The following PARN variants were observed in gnomAD, a reference collection of about 807,000 sequenced individuals.
The protein encoded by PARN is poly(A)-specific ribonuclease.
Under a neutral mutation model 102.8 loss-of-function variants are expected in PARN, and 71 were observed. That is an observed-to-expected ratio of 0.69 (90% CI 0.57 to 0.84). PARN has a LOEUF of 0.84. Among genes scored for constraint, PARN ranks in the 40% least tolerant of loss-of-function variants. The probability of loss-of-function intolerance (pLI) is 0.00; values close to 1 mark genes in which losing one functional copy is unlikely to be tolerated. For synonymous variants in PARN, 261 were observed against 252.9 expected, an observed-to-expected ratio of 1.03 and a Z score of -0.30; for missense variants, 782 against 760.9, an observed-to-expected ratio of 1.03 and a Z score of -0.33.
At chr16:14,509,922 A>C (rs1847330701) in intron 21 of PARN, among the ~76,000 whole-genome samples, 3 of 152,250 alleles carry the variant, frequency 2.0e-5, no homozygotes, top group Non-Finnish European at 2.9e-5. Context: ...TTGGAAAACA[A>C]AAATGTGAGG....
intron 21 of PARN, among the ~76,000 whole-genome samples, chr16:14,536,985 ACAAT>A (rs1057320454): frequency 6.6e-6 from 1 of 152,214 alleles, no homozygotes; most frequent in African/African-American, 2.4e-5. Flanking sequence ...AGCAAAAGAA[ACAAT>A]CAACAGAATG....
intron 1 of PARN, among the ~76,000 whole-genome samples, 155 bp downstream of exon 1, chr16:14,629,952 A>G (rs766715847): frequency 6.6e-6 from 1 of 152,206 alleles, no homozygotes; most frequent in Non-Finnish European, 1.5e-5. Context: ...CGCAGCCGGA[A>G]AAGACCCCAA....
At chr16:14,611,021 T>C (rs1336666015) in intron 6 of PARN, among the ~76,000 whole-genome samples, 1 of 152,248 alleles carries the variant, frequency 6.6e-6, no homozygotes, top group African/African-American at 2.4e-5. Flanking sequence ...CTGGCACTTA[T>C]GCTGTGCCAA....
chr16:14,593,926 G>A (rs939471434), intron 12 of PARN, among the ~76,000 whole-genome samples: 2 of 152,018 alleles, frequency 1.3e-5, no homozygotes, highest in Admixed American at 1.3e-4. Context: ...GAACCCGGGA[G>A]GCAGAGGCTG....
intron 13 of PARN, among the ~76,000 whole-genome samples, chr16:14,589,892 A>G (rs973473113): frequency 6.6e-6 from 1 of 151,536 alleles, no homozygotes; most frequent in Non-Finnish European, 1.5e-5. Context: ...AAAGTGAAGA[A>G]AAAAGAAAAG....
At chr16:14,532,593 G>A (rs1007615504) in intron 21 of PARN, among the ~76,000 whole-genome samples, 3 of 151,982 alleles carry the variant, frequency 2.0e-5, no homozygotes, top group Admixed American at 6.5e-5. Flanking sequence ...GCAACCATCC[G>A]ATTTCTCAAT....
Position 14,436,779 on chromosome 16 carries a change from G to A in PARN, c.1865-7C>T. 2 of 1,579,696 alleles carry A rather than the reference G, an allele frequency of 1.3e-6. No homozygotes were observed. Among genetic ancestry groups the A allele is most frequent in the Admixed American group, 1.8e-5 (1 of 54,504 alleles). On this transcript the variant is annotated splice_region_variant and splice_polypyrimidine_tract_variant and intron_variant, in intron 23 of 23. Coordinates refer to ENST00000437198, the MANE Select transcript of PARN (RefSeq NM_002582.4). ...CTGTTCTTCGAGATGCTTCCTGGTG[G>A]GAAAGAACAAAACAATATGAACAGC...
chr16:14,536,911 G>A (rs1389853844), intron 21 of PARN, among the ~76,000 whole-genome samples: 4 of 152,018 alleles, frequency 2.6e-5, no homozygotes, highest in African/African-American at 7.2e-5. Flanking sequence ...CTAAGACTTC[G>A]AAGCACAGGC....
chr16:14,469,251 C>A (rs537215120), intron 22 of PARN, among the ~76,000 whole-genome samples: 2 of 152,028 alleles, frequency 1.3e-5, no homozygotes, highest in Non-Finnish European at 2.9e-5. Context: ...GAGCCAAGAT[C>A]GCACCAGGAG....
intron 22 of PARN, among the ~76,000 whole-genome samples, chr16:14,456,777 G>C (rs1177781448): frequency 6.6e-6 from 1 of 152,184 alleles, no homozygotes; most frequent in Non-Finnish European, 1.5e-5. Flanking sequence ...CCTAGGGCCA[G>C]CTCTCCTCAC....
At chr16:14,544,408 C>T (rs1016539449) in intron 21 of PARN, among the ~76,000 whole-genome samples, 4 of 151,958 alleles carry the variant, frequency 2.6e-5, no homozygotes, top group African/African-American at 9.7e-5. Flanking sequence ...AACCCTGTCT[C>T]TACTAAAAAT....
At chr16:14,445,268 C>CAA (rs1208710580) in intron 23 of PARN, among the ~76,000 whole-genome samples, 1 of 152,074 alleles carries the variant, frequency 6.6e-6, no homozygotes, top group Admixed American at 6.5e-5. Flanking sequence ...GCATAATGTA[C>CAA]AAAAAGCATA....
intron 10 of PARN, among the ~76,000 whole-genome samples, chr16:14,606,276 C>T (rs1215110509): frequency 6.6e-6 from 1 of 151,900 alleles, no homozygotes; most frequent in Non-Finnish European, 1.5e-5. Context: ...TGGCACGAGC[C>T]TGTAGTCCCA....
intron 22 of PARN, among the ~76,000 whole-genome samples, chr16:14,456,174 T>C (rs1363741515): frequency 6.6e-6 from 1 of 151,966 alleles, no homozygotes; most frequent in Non-Finnish European, 1.5e-5. Flanking sequence ...AGTTTTCTTT[T>C]TTTTTTTTTT....
intron 9 of PARN, among the ~76,000 whole-genome samples, chr16:14,606,788 T>C (rs1354714460): frequency 6.6e-6 from 1 of 151,622 alleles, no homozygotes; most frequent in East Asian, 1.9e-4. Flanking sequence ...TCTATTTTTT[T>C]TTTTTTTTTT....
At chr16:14,597,870 A>G (rs935930431) in intron 12 of PARN, among the ~76,000 whole-genome samples, 2 of 152,196 alleles carry the variant, frequency 1.3e-5, no homozygotes, top group Non-Finnish European at 2.9e-5. Context: ...ACAGCCGGGC[A>G]TGGTGGCTCA....
chr16:14,627,319 C>T lies in PARN; in HGVS notation c.195G>A (p.Leu65=), dbSNP rs753353466. ...AAGTGCAAAGGCCAAACTGAAATAGCAAAAAGTCCATGGAATGCTGGAAAA... is the reference window on the plus strand; with the variant it reads ...AAGTGCAAAGGCCAAACTGAAATAGTAAAAAGTCCATGGAATGCTGGAAAA... ...QKLKKHSMDF[L]LFQFGLCTFK... is the part of the protein sequence containing the mutation. Residue 65 remains leucine (L), a synonymous_variant, in exon 4 of 24, where the codon TTG becomes TTA. Coordinates refer to ENST00000437198, the MANE Select transcript of PARN (RefSeq NM_002582.4). The T allele has an allele frequency of 1.3e-6, 2 of 1,589,754 alleles. 1 individual carries two copies. The highest frequency in any genetic ancestry group is 2.3e-5 in the South Asian group (2 of 87,352).
intron 21 of PARN, among the ~76,000 whole-genome samples, chr16:14,513,619 C>T (rs552929054): frequency 2.6e-4 from 39 of 152,276 alleles, no homozygotes; most frequent in African/African-American, 7.7e-4. Context: ...CTCCCCTGCC[C>T]GCACAATACT....
chr16:14,625,016 A>G (rs546430524), intron 5 of PARN, among the ~76,000 whole-genome samples: 1 of 151,976 alleles, frequency 6.6e-6, no homozygotes, highest in South Asian at 2.1e-4. Flanking sequence ...TCCATCTCAA[A>G]AAAAAAAGAA....
Sources: allele counts gnomAD v4.1 joint callset (sites outside exome capture counted in the v4.1 genomes callset), GRCh38; gene constraint gnomAD v4.1.1; transcripts MANE v1.5; gene names NCBI Gene and HGNC (gene_info 2026-07-23, HGNC 2026-07-21).